The following ATP6V1E1 variants were observed in gnomAD, a reference collection of about 807,000 sequenced individuals.
The protein encoded by ATP6V1E1 is V-type proton ATPase subunit E 1.
In ATP6V1E1, 21 loss-of-function variants were observed where a neutral mutation model predicts 35.2. That is an observed-to-expected ratio of 0.60 (90% CI 0.42 to 0.86). The LOEUF is 0.86. Ranked by LOEUF, ATP6V1E1 falls within the 40% of genes least tolerant of loss-of-function variation. ATP6V1E1 has a pLI of 0.00. For missense variants in ATP6V1E1, 183 were observed against 272.6 expected, an observed-to-expected ratio of 0.67 and a Z score of 2.32; for synonymous variants, 83 against 87.8, an observed-to-expected ratio of 0.95 and a Z score of 0.30.
chr22:17,597,266 A>G (rs1401957715), intron 7 of ATP6V1E1, among the ~76,000 whole-genome samples: 1 of 151,144 alleles, frequency 6.6e-6, no homozygotes, highest in Non-Finnish European at 1.5e-5. Flanking sequence ...AAAGTGTCCA[A>G]GGTACTTTCT....
At chr22:17,612,658 C>T in intron 4 of ATP6V1E1, 154 bp downstream of exon 4, 4 of 698,952 alleles carry the variant, frequency 5.7e-6, no homozygotes, top group Non-Finnish European at 9.2e-6. Flanking sequence ...CAGGCCTTGG[C>T]TCTTATTCAC....
At chr22:17,625,819 T>C (rs907246011) in intron 1 of ATP6V1E1, among the ~76,000 whole-genome samples, 1 of 152,038 alleles carries the variant, frequency 6.6e-6, no homozygotes, top group African/African-American at 2.4e-5. Flanking sequence ...TGAGAGTCTT[T>C]TGCATGACAA....
chr22:17,612,026 GA>G (rs1035112345), intron 4 of ATP6V1E1, among the ~76,000 whole-genome samples: 5 of 152,240 alleles, frequency 3.3e-5, no homozygotes, highest in African/African-American at 9.6e-5. Flanking sequence ...TGGCATACAG[GA>G]AAACTATTCA....
chr22:17,594,816 G>A, intron 7 of ATP6V1E1, 200 bp from the exon 8 acceptor site: 2 of 408,106 alleles, frequency 4.9e-6, no homozygotes, highest in South Asian at 9.2e-5. Flanking sequence ...CCGCCTAGAT[G>A]TCCATTATAT....
intron 4 of ATP6V1E1, among the ~76,000 whole-genome samples, chr22:17,604,713 T>A (rs2057776909): frequency 6.6e-6 from 1 of 151,890 alleles, no homozygotes; most frequent in Non-Finnish European, 1.5e-5. Context: ...GAGACAGGGC[T>A]TCACCATGTT....
At chr22:17,592,859 G>C (rs545269786) in intron 8 of ATP6V1E1, 123 bp from the exon 9 acceptor site, 1 of 846,522 alleles carries the variant, frequency 1.2e-6, no homozygotes, top group Admixed American at 2.2e-5. Context: ...CTGGAGTGCA[G>C]TGGCGCATCT....
Position 17,628,591 on chromosome 22 carries a change from C to T in ATP6V1E1, c.33+12G>A, listed in dbSNP as rs1281041072. 6.2e-7 allele frequency: 1 copy of T among 1,614,156 alleles called. No homozygotes were observed. Among genetic ancestry groups the T allele is most frequent in the Non-Finnish European group, 8.5e-7 (1 of 1,180,040 alleles). The stretch of plus-strand genomic sequence containing the variant: ...CCGCCGCGGCTTCGTAAGACCCAAC[C>T]AAGCCCCTCACCTGCTTTTGCACGT... On this transcript the variant is annotated intron_variant, in intron 1 of 8. Coordinates refer to ENST00000253413, the MANE Select transcript of ATP6V1E1 (RefSeq NM_001696.4).
In ATP6V1E1 at chr22:17,611,543, T is replaced by C. The variant is rs2057815529; in HGVS notation, c.276+1269A>G. 3.3e-5 allele frequency among the ~76,000 whole-genome samples: 5 copies of C among 152,168 alleles called. No homozygotes were observed. The South Asian group carries it at 1.0e-3, about 32-fold the overall frequency. ...ACACTTACATCTGGAGGTTTCTTGG[T>C]CCCTCAAACATGTCCAAAAGTCCAG... On this transcript the variant is annotated intron_variant, in intron 4 of 8. Transcript: ENST00000253413.
intron 4 of ATP6V1E1, among the ~76,000 whole-genome samples, chr22:17,611,891 T>C (rs2057817343): frequency 6.6e-6 from 1 of 152,246 alleles, no homozygotes; most frequent in Non-Finnish European, 1.5e-5. Context: ...TCTTCCATTT[T>C]TTCAAGTTCT....
intron 8 of ATP6V1E1, among the ~76,000 whole-genome samples, chr22:17,594,146 G>A (rs979075198): frequency 6.6e-6 from 1 of 152,050 alleles, no homozygotes; most frequent in Non-Finnish European, 1.5e-5. Flanking sequence ...AAGTTGCAGT[G>A]AGCCAAGACT....
chr22:17,627,709 T>C (rs910061992), intron 1 of ATP6V1E1, among the ~76,000 whole-genome samples: 2 of 150,210 alleles, frequency 1.3e-5, no homozygotes, highest in African/African-American at 2.4e-5. Flanking sequence ...TAATCCCAGC[T>C]TCTAGGGAGG....
At chr22:17,596,925 G>A (rs922613010) in intron 7 of ATP6V1E1, among the ~76,000 whole-genome samples, 4 of 152,004 alleles carry the variant, frequency 2.6e-5, no homozygotes, top group African/African-American at 9.7e-5. Flanking sequence ...ACATTCCTAA[G>A]TGTGATAATC....
At chr22:17,600,253 G>A (rs2057755859) in intron 5 of ATP6V1E1, among the ~76,000 whole-genome samples, 158 bp from the exon 6 acceptor site, 1 of 152,134 alleles carries the variant, frequency 6.6e-6, no homozygotes, top group Middle Eastern at 3.4e-3. Flanking sequence ...TAGGCAACAA[G>A]GCAAAACCCC....
intron 2 of ATP6V1E1, among the ~76,000 whole-genome samples, chr22:17,616,062 C>CAAAA (rs201582521): frequency 0.049 from 6,613 of 134,034 alleles, 485 homozygotes; most frequent in African/African-American, 0.17. Flanking sequence ...AACAAACAAA[C>CAAAA]AAAAGCCGGG....
chr22:17,606,707 A>ACTTCTCC (rs1289747228), intron 4 of ATP6V1E1, among the ~76,000 whole-genome samples: 4 of 152,154 alleles, frequency 2.6e-5, no homozygotes, highest in Non-Finnish European at 4.4e-5. Context: ...CCTCACACGC[A>ACTTCTCC]CTTCTCCCTT....
intron 6 of ATP6V1E1, among the ~76,000 whole-genome samples, chr22:17,599,553 G>A (rs1300159325): frequency 1.5e-5 from 2 of 137,562 alleles, no homozygotes; most frequent in African/African-American, 5.7e-5. Context: ...CTCCAGCCTG[G>A]GAAATGAGAG....
At chr22:17,610,682 A>G (rs534303871) in intron 4 of ATP6V1E1, among the ~76,000 whole-genome samples, 2 of 152,384 alleles carry the variant, frequency 1.3e-5, no homozygotes, top group African/African-American at 4.8e-5. Flanking sequence ...ACAAATAATA[A>G]TATCTATGCA....
intron 5 of ATP6V1E1, 105 bp downstream of exon 5, chr22:17,600,987 C>A: frequency 3.2e-6 from 3 of 940,602 alleles, no homozygotes; most frequent in South Asian, 1.9e-5. Context: ...AGGAAAAAAA[C>A]TAGAGAAATG....
Position 17,600,050 on chromosome 22 carries a change from T to G in ATP6V1E1, c.412A>C (p.Lys138Gln), listed in dbSNP as rs201028167. 422 of 1,613,878 alleles carry G rather than the reference T, an allele frequency of 2.6e-4. No individual in the cohort carries two copies. Among genetic ancestry groups the G allele is most frequent in the Non-Finnish European group, 3.5e-4 (411 of 1,179,920 alleles). Residue 138 changes from lysine (K) to glutamine (Q), a missense_variant, in exon 6 of 9, where the codon AAA (lysine) becomes CAA (glutamine). Lys to Gln is a moderately conservative substitution (Grantham distance 53). Transcript: ENST00000253413. ...LEPRMIVRCR[K>Q]QDFPLVKAAV... is the part of the protein sequence containing the mutation. ...ACCTTTACCAGAGGGAAATCTTGTTTCCTGCAACGAACAATCATTCGGGGC... is the reference window on the plus strand; with the variant it reads ...ACCTTTACCAGAGGGAAATCTTGTTGCCTGCAACGAACAATCATTCGGGGC...
Sources: gnomAD v4.1 joint callset for allele counts (sites outside exome capture counted in the v4.1 genomes callset) on GRCh38, gnomAD v4.1.1 for gene constraint, MANE v1.5 for transcripts, NCBI Gene and HGNC (gene_info 2026-07-23, HGNC 2026-07-21) for gene names.